Variants in FOXP4 observed in about 807,000 individuals in gnomAD.
FOXP4 encodes the protein forkhead box P4.
Under a neutral mutation model 82.6 loss-of-function variants are expected in FOXP4, and 25 were observed. The ratio of observed to expected loss-of-function variants is 0.30; its 90% confidence interval spans 0.22 to 0.42. The LOEUF is 0.42. Ranked by LOEUF, FOXP4 falls within the 10% of genes least tolerant of loss-of-function variation. The pLI is 1.00. For synonymous variants in FOXP4, 415 were observed against 388.2 expected, an observed-to-expected ratio of 1.07 and a Z score of -0.81; for missense variants, 785 against 900.9, an observed-to-expected ratio of 0.87 and a Z score of 1.65.
intron 14 of FOXP4, among the ~76,000 whole-genome samples, chr6:41,596,479 C>T (rs1465091590): frequency 1.3e-5 from 2 of 152,216 alleles, no homozygotes; most frequent in Non-Finnish European, 2.9e-5. Flanking sequence ...TGGAGGGAAG[C>T]CATCCCCTGG....
intron 2 of FOXP4, among the ~76,000 whole-genome samples, chr6:41,575,632 C>A (rs1158481764): frequency 1.3e-5 from 2 of 152,056 alleles, no homozygotes; most frequent in Non-Finnish European, 2.9e-5. Flanking sequence ...TCCTGTAAAT[C>A]ATGTAATTTC....
At chr6:41,553,324 G>GGA (rs71776612) in intron 1 of FOXP4, among the ~76,000 whole-genome samples, 16,011 of 152,110 alleles carry the variant, frequency 0.11, 991 homozygotes, top group Admixed American at 0.17. Flanking sequence ...AATCTCGTTG[G>GGA]GAGAGAGAGC....
intron 13 of FOXP4, among the ~76,000 whole-genome samples, chr6:41,594,288 C>T (rs988389858): frequency 6.6e-6 from 1 of 152,214 alleles, no homozygotes; most frequent in African/African-American, 2.4e-5. Context: ...TGTATGAGGC[C>T]TTTACTGTAT....
chr6:41,592,392 G>A (rs1766572909), intron 13 of FOXP4, among the ~76,000 whole-genome samples: 1 of 152,280 alleles, frequency 6.6e-6, no homozygotes, highest in East Asian at 1.9e-4. Flanking sequence ...GAGAGAAGCT[G>A]GGAGGCTGTT....
chr6:41,586,970 G>A, intron 5 of FOXP4, 39 bp from the exon 6 acceptor site: 1 of 1,541,254 alleles, frequency 6.5e-7, no homozygotes, highest in East Asian at 2.3e-5. Context: ...TGAAGCTGAT[G>A]GCACCCCTCT....
At chr6:41,590,488 T>G in intron 12 of FOXP4, 141 bp downstream of exon 12, 1 of 864,162 alleles carries the variant, frequency 1.2e-6, no homozygotes, top group Non-Finnish European at 1.8e-6. Context: ...GTCTTCCCTC[T>G]CTGCTGTGCG....
At chr6:41,582,145 C>G (rs182822109) in intron 3 of FOXP4, among the ~76,000 whole-genome samples, 2 of 152,188 alleles carry the variant, frequency 1.3e-5, no homozygotes, top group Non-Finnish European at 2.9e-5. Context: ...ATTTTCTTCA[C>G]GTTTACATAG....
chr6:41,551,190 G>A (rs1562003956), intron 1 of FOXP4, among the ~76,000 whole-genome samples: 2 of 152,174 alleles, frequency 1.3e-5, no homozygotes, highest in South Asian at 2.1e-4. Context: ...TGGACGCAGG[G>A]CACACCTGCC....
intron 2 of FOXP4, among the ~76,000 whole-genome samples, chr6:41,566,527 G>C (rs928908472): frequency 6.6e-6 from 1 of 152,182 alleles, no homozygotes; most frequent in Non-Finnish European, 1.5e-5. Context: ...GGGAATCCCT[G>C]TCTGTGTCTT....
intron 12 of FOXP4, 152 bp downstream of exon 12, chr6:41,590,499 G>A (rs1368079218): frequency 3.8e-6 from 3 of 779,878 alleles, no homozygotes; most frequent in Admixed American, 5.4e-5. Flanking sequence ...CTGCTGTGCG[G>A]GGCTCTCCTG....
At chr6:41,584,625 G>A (rs1274498165) in intron 3 of FOXP4, 144 bp from the exon 4 acceptor site, 2 of 929,480 alleles carry the variant, frequency 2.2e-6, no homozygotes, top group African/African-American at 3.3e-5. Context: ...CAAAGAGAGA[G>A]ACAGCCAGCA....
chr6:41,594,213 C>G (rs1766687910), intron 13 of FOXP4, among the ~76,000 whole-genome samples: 1 of 151,782 alleles, frequency 6.6e-6, no homozygotes, highest in African/African-American at 2.4e-5. Flanking sequence ...TCTTCTTTCT[C>G]TCCTCTTTCT....
At chr6:41,561,198 C>T (rs1482360673) in intron 1 of FOXP4, among the ~76,000 whole-genome samples, 1 of 152,222 alleles carries the variant, frequency 6.6e-6, no homozygotes, top group East Asian at 1.9e-4. Context: ...ACATAGGCTC[C>T]GAGGTGCCCT....
At chr6:41,590,495 T>G (rs536826662) in intron 12 of FOXP4, 148 bp downstream of exon 12, 1 of 800,722 alleles carries the variant, frequency 1.2e-6, no homozygotes, top group Non-Finnish European at 2.0e-6. Flanking sequence ...CTCTCTGCTG[T>G]GCGGGGCTCT....
chr6:41,549,439 T>A (rs965667099), intron 1 of FOXP4, among the ~76,000 whole-genome samples: 1 of 152,078 alleles, frequency 6.6e-6, no homozygotes, highest in African/African-American at 2.4e-5. Context: ...CCTCTGCCTT[T>A]AGAGCCGAAA....
rs1764856579 is a variant in FOXP4, at chr6:41,565,953, C to G, written c.193C>G (p.Gln65Glu). Residue 65 changes from glutamine (Q) to glutamate (E), a missense_variant, in exon 2 of 17, where the codon CAG becomes GAG. Coordinates refer to ENST00000307972, the MANE Select transcript of FOXP4 (RefSeq NM_001012426.2). Reference protein sequence around the residue: ...EMSPAELLHFQQQQALQVARQ... With the variant: ...EMSPAELLHFEQQQALQVARQ... ...GAGTCCCGCAGAGCTGCTGCACTTCCAGCAGCAACAGGTAGGAACTGGTGC... is the reference window on the plus strand; with the variant it reads ...GAGTCCCGCAGAGCTGCTGCACTTCGAGCAGCAACAGGTAGGAACTGGTGC... The G allele has an allele frequency of 6.2e-7, 1 of 1,613,060 alleles. No individual in the cohort carries two copies. Among genetic ancestry groups the G allele is most frequent in the Non-Finnish European group, 8.5e-7 (1 of 1,179,614 alleles).
chr6:41,556,924 A>G (rs1228781409), intron 1 of FOXP4, among the ~76,000 whole-genome samples: 1 of 152,220 alleles, frequency 6.6e-6, no homozygotes, highest in Non-Finnish European at 1.5e-5. Flanking sequence ...AGGGTGTGCC[A>G]TAGGTATGGG....
rs143012237 is a variant in FOXP4, at chr6:41,593,320, G to A, written c.1537-1550G>A. ...AGACCAGGGCAGAAGGGTTGGGAGC[G>A]GGCATGGTGTGGGCCCAGCCAGCTG... is the stretch of plus-strand genomic sequence containing the variant. On this transcript the variant is annotated intron_variant, in intron 13 of 16. Coordinates refer to ENST00000307972, the MANE Select transcript of FOXP4 (RefSeq NM_001012426.2). This position sits in a 1 kb window ranked among gnomAD's most constrained non-coding sequence, Gnocchi z 4.1. 6.8e-4 allele frequency among the ~76,000 whole-genome samples: 103 copies of A among 152,224 alleles called. No homozygotes were observed. Among genetic ancestry groups the A allele is most frequent in the Middle Eastern group, 3.4e-3 (1 of 294 alleles).
chr6:41,586,879 T>G, intron 5 of FOXP4, 130 bp from the exon 6 acceptor site: 1 of 1,405,856 alleles, frequency 7.1e-7, no homozygotes, highest in East Asian at 2.5e-5. Flanking sequence ...ACACTGCAGC[T>G]GCAGACGCCA....
Sources: allele counts gnomAD v4.1 joint callset (sites outside exome capture counted in the v4.1 genomes callset), GRCh38; gene constraint gnomAD v4.1.1; non-coding constraint Gnocchi (gnomAD v3.1); transcripts MANE v1.5; gene names NCBI Gene and HGNC (gene_info 2026-07-23, HGNC 2026-07-21).